The following IGSF11 variants were observed in gnomAD, a reference collection of about 807,000 sequenced individuals.
The protein encoded by IGSF11 is CXADR like 1.
Under a neutral mutation model 41.0 loss-of-function variants are expected in IGSF11, and 22 were observed. The ratio of observed to expected loss-of-function variants is 0.54; its 90% confidence interval spans 0.38 to 0.77. IGSF11 has a LOEUF of 0.77. IGSF11 is among the 30% of genes least tolerant of loss of function. IGSF11 has a pLI of 0.00. For missense variants in IGSF11, 444 were observed against 530.8 expected (o/e 0.84, Z 1.61); for synonymous variants, 219 against 201.3 (o/e 1.09, Z -0.74).
intron 1 of IGSF11, chr3:119,013,069 C>T (rs892998961): frequency 1.3e-5 from 2 of 152,322 alleles, no homozygotes; most frequent in African/African-American, 2.4e-5. Flanking sequence ...TGTAACTCTG[C>T]TTACCCATTC....
rs577993190 is a variant in IGSF11 at position 118,929,975 on chromosome 3, T to C, written c.216+137A>G. ...ATAAGTGACTGATAGGGCAGAGGAG[T>C]AGGCCTTAAAAGAGTACACGCACAT... On this transcript the variant is annotated intron_variant, in intron 2 of 6. Transcript: ENST00000393775. 43 of 676,796 alleles carry C rather than the reference T, an allele frequency of 6.4e-5. No homozygotes were observed. The East Asian group carries it at 8.9e-4, about 14-fold the overall frequency. The allele number at this position is 676,796 out of a possible 1,614,324, so 41.9% of individuals were successfully genotyped here. A position where few individuals can be genotyped will look rare whatever the true frequency, so the allele number is the denominator to read the frequency against.
At chr3:119,039,178 C>A (rs1941022464), upstream of IGSF11, among the ~76,000 whole-genome samples, 1 of 152,180 alleles carries the variant, frequency 6.6e-6, no homozygotes, top group Non-Finnish European at 1.5e-5. Context: ...TTACGACAAA[C>A]TTGGTGGCGT....
At chr3:119,004,599 T>G (rs1309672277) in intron 1 of IGSF11, among the ~76,000 whole-genome samples, 1 of 144,750 alleles carries the variant, frequency 6.9e-6, no homozygotes, top group African/African-American at 2.7e-5. Context: ...TGTGGGCATT[T>G]AGTGCTATAA....
At chr3:119,007,606 T>C (rs1306634368) in intron 1 of IGSF11, among the ~76,000 whole-genome samples, 1 of 151,948 alleles carries the variant, frequency 6.6e-6, no homozygotes, top group Admixed American at 6.6e-5. Flanking sequence ...CATCTCAGAG[T>C]ATCCACTTTT....
chr3:118,960,444 T>C (rs1487102943), intron 1 of IGSF11, among the ~76,000 whole-genome samples: 1 of 152,186 alleles, frequency 6.6e-6, no homozygotes, highest in African/African-American at 2.4e-5. Flanking sequence ...ATGCAAGATA[T>C]AAAATTCCAT....
At chr3:119,129,846 G>A (rs1479378078) in intron 1 of IGSF11, among the ~76,000 whole-genome samples, 1 of 152,090 alleles carries the variant, frequency 6.6e-6, no homozygotes, top group African/African-American at 2.4e-5. Context: ...TTAGCCAGGT[G>A]TGGTGGCAAA....
intron 1 of IGSF11, among the ~76,000 whole-genome samples, chr3:118,975,916 A>C (rs539324628): frequency 2.6e-5 from 4 of 152,134 alleles, no homozygotes; most frequent in Non-Finnish European, 5.9e-5. Context: ...ATTGAGTACT[A>C]TGCTCACTAC....
At chr3:119,112,280 A>C (rs1230131691) in intron 1 of IGSF11, among the ~76,000 whole-genome samples, 4 of 152,006 alleles carry the variant, frequency 2.6e-5, no homozygotes, top group Non-Finnish European at 2.9e-5. Flanking sequence ...TTGTTTACTT[A>C]AGCAAGCCTG....
At chr3:119,047,769 T>C (rs1251852882) in intron 1 of IGSF11, among the ~76,000 whole-genome samples, 1 of 151,970 alleles carries the variant, frequency 6.6e-6, no homozygotes, top group African/African-American at 2.4e-5. Flanking sequence ...TCAGCAAATG[T>C]AAAAGAACAG....
intron 1 of IGSF11, among the ~76,000 whole-genome samples, chr3:119,129,597 T>A (rs756947767): frequency 3.9e-5 from 6 of 152,222 alleles, no homozygotes; most frequent in African/African-American, 9.6e-5. Flanking sequence ...TCAAACAGTG[T>A]TAAGTTGCTA....
chr3:119,072,636 T>C (rs1383628583), intron 1 of IGSF11, among the ~76,000 whole-genome samples: 1 of 152,196 alleles, frequency 6.6e-6, no homozygotes, highest in Non-Finnish European at 1.5e-5. Context: ...CTTAAGGCAG[T>C]GCGTCTGGAG....
intron 1 of IGSF11, among the ~76,000 whole-genome samples, chr3:118,987,404 G>C (rs1258866636): frequency 6.6e-6 from 1 of 152,192 alleles, no homozygotes; most frequent in African/African-American, 2.4e-5. Context: ...TGAGAACTAT[G>C]AGGTGGTATG....
chr3:118,997,517 A>G (rs914877350), intron 1 of IGSF11, among the ~76,000 whole-genome samples: 2 of 149,710 alleles, frequency 1.3e-5, no homozygotes, highest in Non-Finnish European at 3.0e-5. Context: ...TTTTCACAAC[A>G]CCTCTGCTGC....
rs117543039 is a variant in IGSF11, at chr3:118,902,899, G to A, written c.917C>T (p.Ser306Leu). ...GGAAGAGGTTAGTGTGTTGTTGTCC[G>A]AGGAGGAAATCTCAGTGTGAAATGC... ...AKAFHTEISSSDNNTLTSSNA... is the reference protein window; with the variant it reads ...AKAFHTEISSLDNNTLTSSNA... The change falls in exon 7 of 7, where the codon TCG (serine) becomes TTG (leucine). Residue 306 changes from serine (S) to leucine (L), a missense_variant. Transcript: ENST00000393775. 4.7e-5 allele frequency: 76 copies of A among 1,614,126 alleles called. No individual in the cohort carries two copies. In the East Asian group the frequency reaches 1.3e-3, roughly 27 times the overall value.
At chr3:118,957,888 C>G (rs1178974573) in intron 1 of IGSF11, among the ~76,000 whole-genome samples, 1 of 152,190 alleles carries the variant, frequency 6.6e-6, no homozygotes, top group Non-Finnish European at 1.5e-5. Context: ...CCAAAAAGGA[C>G]ATCAACCCAC....
Position 118,900,662 on chromosome 3 carries a change from ATAAT to A in IGSF11, c.*1854_*1857del, listed in dbSNP as rs1489877927. 1 of 152,566 alleles carries A rather than the reference ATAAT, an allele frequency of 6.6e-6. No individual in the cohort carries two copies. Among genetic ancestry groups the A allele is most frequent in the Non-Finnish European group, 1.5e-5 (1 of 68,034 alleles). 9.5% of individuals were successfully genotyped at this position (152,566 alleles called of 1,614,324 possible). ...TGAATAAAATTTTATTGAATTTTAG[ATAAT>A]TAGAAAGAATAAAGAAATGCAAGAT... On this transcript the variant is annotated 3_prime_UTR_variant, in exon 7 of 7. Coordinates refer to ENST00000393775, the MANE Select transcript of IGSF11 (RefSeq NM_001015887.3).
chr3:119,051,676 A>T (rs771154880), intron 1 of IGSF11, among the ~76,000 whole-genome samples: 1 of 152,232 alleles, frequency 6.6e-6, no homozygotes, highest in Non-Finnish European at 1.5e-5. Flanking sequence ...CACAATATAC[A>T]TTCTATTTAT....
intron 1 of IGSF11, among the ~76,000 whole-genome samples, chr3:118,931,810 G>A (rs2107536924): frequency 6.7e-6 from 1 of 149,338 alleles, no homozygotes; most frequent in Admixed American, 6.7e-5. Context: ...TTGGCTCACT[G>A]CAAGCTCTGC....
Position 118,902,765 on chromosome 3 carries a change from T to C in IGSF11, c.1051A>G (p.Asn351Asp), listed in dbSNP as rs140957801. The C allele has an allele frequency of 4.3e-6, 7 of 1,614,040 alleles. No homozygotes were observed. The African/African-American group carries it at 5.3e-5, about 12-fold the overall frequency. ...LGQSFSFHSG[N>D]ANIPSIYANG... ...GCATAAATGGATGGTATGTTGGCATTGCCTGAGTGGAAAGAGAAAGATTGG... is the reference window on the plus strand; with the variant it reads ...GCATAAATGGATGGTATGTTGGCATCGCCTGAGTGGAAAGAGAAAGATTGG... The change falls in exon 7 of 7, where the codon AAT (asparagine) becomes GAT (aspartate). Residue 351 changes from asparagine to aspartate, a missense_variant. Transcript: ENST00000393775.
Sources: allele counts gnomAD v4.1 joint callset (sites outside exome capture counted in the v4.1 genomes callset), GRCh38; gene constraint gnomAD v4.1.1; transcripts MANE v1.5; gene names NCBI Gene and HGNC (gene_info 2026-07-23, HGNC 2026-07-21).